The following PGS1 variants were observed in gnomAD, a reference collection of about 807,000 sequenced individuals.
PGS1 encodes phosphatidylglycerophosphate synthase 1.
A neutral mutation model predicts 58.3 loss-of-function variants in PGS1; 44 were observed. That is an observed-to-expected ratio of 0.75 (90% CI 0.59 to 0.97). The LOEUF (loss-of-function observed/expected upper bound fraction) is 0.97. PGS1 is among the 50% of genes least tolerant of loss of function. The pLI, the probability that PGS1 is intolerant of heterozygous loss-of-function variation, is 0.00. For synonymous variants in PGS1, 330 were observed against 311.0 expected (o/e 1.06, Z -0.64); for missense variants, 684 against 731.1 (o/e 0.94, Z 0.74).
chr17:78,395,564 G>C (rs2083169716), intron 2 of PGS1, among the ~76,000 whole-genome samples: 1 of 152,130 alleles, frequency 6.6e-6, no homozygotes, highest in South Asian at 2.1e-4. Context: ...TTGTACCCCT[G>C]CCTCCTTCTC....
At chr17:78,410,721 C>A (rs72921239) in intron 7 of PGS1, among the ~76,000 whole-genome samples, 6 of 151,928 alleles carry the variant, frequency 3.9e-5, no homozygotes, top group Non-Finnish European at 7.4e-5. Flanking sequence ...ATCTGCCCGC[C>A]TTGGCCCCCC....
chr17:78,403,439 C>G, intron 6 of PGS1, 129 bp from the exon 7 acceptor site: 1 of 1,028,656 alleles, frequency 9.7e-7, no homozygotes, highest in Admixed American at 2.2e-5. Context: ...TGGGCCCACT[C>G]AGCGAGTGTT....
At chr17:78,421,704 C>T (rs1256197931) in intron 9 of PGS1, 1 of 152,296 alleles carries the variant, frequency 6.6e-6, no homozygotes, top group Admixed American at 6.5e-5. Flanking sequence ...CCTCCAGATT[C>T]TGTGGGACCA....
At chr17:78,406,117 C>A (rs2084119961) in intron 7 of PGS1, among the ~76,000 whole-genome samples, 1 of 152,058 alleles carries the variant, frequency 6.6e-6, no homozygotes, top group Non-Finnish European at 1.5e-5. Flanking sequence ...GAGATCCAGA[C>A]CATTCTGGCT....
intron 4 of PGS1, 86 bp downstream of exon 4, chr17:78,398,437 A>C: frequency 1.1e-6 from 1 of 910,798 alleles, no homozygotes; most frequent in East Asian, 2.4e-5. Flanking sequence ...CCTCATCCCC[A>C]GGCAGAGTCA....
At position 78,394,171 on chromosome 17, in the gene PGS1, CCCAAAAAAAAAAAA is replaced by C. The variant is rs1209306246; in HGVS notation, c.333+1507_333+1520del. Among the ~76,000 whole-genome samples, 6 of 27,808 alleles carry C rather than the reference CCCAAAAAAAAAAAA, an allele frequency of 2.2e-4. No individual in the cohort carries two copies. In the East Asian group the frequency reaches 5.6e-3, roughly 26 times the overall value. 18.2% of individuals were successfully genotyped at this position (27,808 alleles called of 152,430 possible). On this transcript the variant is annotated intron_variant, in intron 2 of 9. Coordinates refer to ENST00000262764, the MANE Select transcript of PGS1 (RefSeq NM_024419.5). ...TGGGCAACAGAGCGAGACTCTATCT[CCCAAAAAAAAAAAA>C]AAAAAAAAAAAAAAGAATGAAGGTC...
intron 7 of PGS1, among the ~76,000 whole-genome samples, chr17:78,404,983 A>T (rs1305483037): frequency 6.7e-6 from 1 of 149,596 alleles, no homozygotes; most frequent in African/African-American, 2.5e-5. Flanking sequence ...TGATTGTCAG[A>T]GTTCCTGCTT....
chr17:78,381,415 G>T (rs1265613482), intron 1 of PGS1, among the ~76,000 whole-genome samples: 1 of 152,174 alleles, frequency 6.6e-6, no homozygotes, highest in East Asian at 1.9e-4. Context: ...CCGGTATTGA[G>T]TGGTAGTGTA....
At chr17:78,387,002 A>G (rs367993669) in intron 1 of PGS1, among the ~76,000 whole-genome samples, 14,927 of 150,162 alleles carry the variant, frequency 0.099, 720 homozygotes, top group Middle Eastern at 0.16. Context: ...GATGATGATG[A>G]TGATGGTGAT....
chr17:78,381,365 G>A (rs1305312247), intron 1 of PGS1, among the ~76,000 whole-genome samples: 1 of 152,160 alleles, frequency 6.6e-6, no homozygotes, highest in African/African-American at 2.4e-5. Context: ...GTAATCCTCG[G>A]AAATAATGCC....
chr17:78,406,828 A>C (rs1344860671), intron 7 of PGS1, among the ~76,000 whole-genome samples: 1 of 152,204 alleles, frequency 6.6e-6, no homozygotes, highest in Non-Finnish European at 1.5e-5. Flanking sequence ...GCTCTCCTCA[A>C]CTGCACTGTG....
intron 6 of PGS1, among the ~76,000 whole-genome samples, chr17:78,402,590 G>C (rs143889888): frequency 1.1e-4 from 17 of 152,218 alleles, no homozygotes; most frequent in Admixed American, 1.1e-3. Context: ...TGGGGTTACA[G>C]GCACACAACA....
At position 78,400,703 on chromosome 17, in the gene PGS1, C is replaced by G; in HGVS notation, c.728C>G (p.Thr243Ser). Residue 243 changes from threonine to serine, a missense_variant, in exon 6 of 10, where the codon ACC becomes AGC. Coordinates refer to ENST00000262764, the MANE Select transcript of PGS1 (RefSeq NM_024419.5). The surrounding 1 kb of genome is among the most constrained non-coding windows in gnomAD (Gnocchi z 4.4). ...GCAAACCTGAGTGACTCCTACTTCA[C>G]CAACCGCCAGGACCGCTACGTGTTC... ...SGANLSDSYF[T>S]NRQDRYVFLQ... 1 of 1,613,960 alleles carries G rather than the reference C, an allele frequency of 6.2e-7. No individual in the cohort carries two copies. Among genetic ancestry groups the G allele is most frequent in the Non-Finnish European group, 8.5e-7 (1 of 1,179,958 alleles).
chr17:78,404,560 T>C (rs1052326935), intron 7 of PGS1, among the ~76,000 whole-genome samples: 58 of 152,264 alleles, frequency 3.8e-4, no homozygotes, highest in African/African-American at 1.3e-3. Context: ...TTCAGTTGTG[T>C]AAAATCCGTC....
chr17:78,398,010 C>T (rs1313393934), intron 3 of PGS1: 1 of 594,950 alleles, frequency 1.7e-6, no homozygotes, highest in Admixed American at 2.2e-5. Context: ...CACGCCTCTG[C>T]CTGCAGGTCC....
intron 7 of PGS1, among the ~76,000 whole-genome samples, chr17:78,414,468 G>A (rs1019314899): frequency 3.9e-5 from 6 of 152,204 alleles, no homozygotes; most frequent in African/African-American, 1.4e-4. Flanking sequence ...GTCTGGATGT[G>A]CAGAGGCAGT....
intron 2 of PGS1, among the ~76,000 whole-genome samples, chr17:78,395,332 A>C (rs1157948008): frequency 3.3e-5 from 5 of 152,220 alleles, no homozygotes; most frequent in Admixed American, 3.3e-4. Context: ...AGGAAATAGC[A>C]ACCTTGGGAA....
intron 9 of PGS1, among the ~76,000 whole-genome samples, chr17:78,423,044 G>A (rs2086040521): frequency 1.3e-5 from 2 of 151,314 alleles, no homozygotes; most frequent in African/African-American, 4.9e-5. Context: ...TGCAACGTGA[G>A]CCGAGATTGC....
intron 8 of PGS1, among the ~76,000 whole-genome samples, chr17:78,417,743 C>T (rs908628790): frequency 2.6e-5 from 4 of 151,538 alleles, no homozygotes; most frequent in Admixed American, 1.3e-4. Flanking sequence ...AGGTATGGCC[C>T]GGACATTACG....
Sources: gnomAD v4.1 joint callset for allele counts (sites outside exome capture counted in the v4.1 genomes callset) on GRCh38, gnomAD v4.1.1 for gene constraint, Gnocchi (gnomAD v3.1) non-coding constraint, MANE v1.5 for transcripts, NCBI Gene and HGNC (gene_info 2026-07-23, HGNC 2026-07-21) for gene names.